ESYT3: variants seen among roughly 807,000 people sequenced by gnomAD.
ESYT3 encodes extended synaptotagmin-3.
In ESYT3, 101 loss-of-function variants were observed where a neutral mutation model predicts 111.5. The observed-to-expected ratio is 0.91, with a 90% CI of 0.77 to 1.07. The LOEUF (loss-of-function observed/expected upper bound fraction) is 1.07. Ranked by LOEUF, ESYT3 falls within the 50% of genes least tolerant of loss-of-function variation. The pLI is 0.00. For missense variants in ESYT3, 1,097 were observed against 1,109.4 expected, an observed-to-expected ratio of 0.99 and a Z score of 0.16; for synonymous variants, 416 against 446.8, an observed-to-expected ratio of 0.93 and a Z score of 0.87.
chr3:138,466,191 A>G (rs2032918657), intron 10 of ESYT3, among the ~76,000 whole-genome samples: 1 of 152,212 alleles, frequency 6.6e-6, no homozygotes. Context: ...GTATTTTTGC[A>G]TGTGTTCATG....
At position 138,457,555 on chromosome 3, in the gene ESYT3, G is replaced by A. The variant is rs1024858328; in HGVS notation, c.505-13G>A. 16 of 1,613,862 alleles carry A rather than the reference G, an allele frequency of 9.9e-6. No individual in the cohort carries two copies. Among genetic ancestry groups the A allele is most frequent in the Non-Finnish European group, 1.1e-5 (13 of 1,179,944 alleles). Reference sequence around the variant, plus strand: ...AGAAGCCTCTGACCTAGCCCTTTTGGCATTTCTTCCAGTGTCCCAGGGTCA... The same window carrying A: ...AGAAGCCTCTGACCTAGCCCTTTTGACATTTCTTCCAGTGTCCCAGGGTCA... On this transcript the variant is annotated splice_polypyrimidine_tract_variant and intron_variant, in intron 3 of 22. Coordinates refer to ENST00000389567, the MANE Select transcript of ESYT3 (RefSeq NM_031913.5).
chr3:138,450,935 G>A (rs1303808366), intron 1 of ESYT3, among the ~76,000 whole-genome samples: 2 of 152,060 alleles, frequency 1.3e-5, no homozygotes, highest in Non-Finnish European at 2.9e-5. Flanking sequence ...CCAGCCTCAT[G>A]TTCAGGGGAC....
At position 138,473,640 on chromosome 3, in the gene ESYT3, G is replaced by A. The variant is rs1576469619; in HGVS notation, c.2336+6G>A. The stretch of plus-strand genomic sequence containing the variant: ...GTGCTAATCAATGGCTGCAGGTAAA[G>A]GGATTCTAGGGCCAGGGAGGTCCTT... On this transcript the variant is annotated splice_donor_region_variant and intron_variant, in intron 19 of 22. Transcript: ENST00000389567. 1 of 1,612,176 alleles carries A rather than the reference G, an allele frequency of 6.2e-7. No individual in the cohort carries two copies. The highest frequency in any genetic ancestry group is 8.5e-7 in the Non-Finnish European group (1 of 1,178,606).
At chr3:138,448,050 G>A (rs1238505574) in intron 1 of ESYT3, among the ~76,000 whole-genome samples, 3 of 151,852 alleles carry the variant, frequency 2.0e-5, no homozygotes, top group Non-Finnish European at 4.4e-5. Context: ...GGTGGATCAG[G>A]AGTTCAGGAG....
intron 1 of ESYT3, among the ~76,000 whole-genome samples, chr3:138,443,736 C>CTGTGTGTGTGTGTGTGTGTGTGTGTGTG (rs11268903): frequency 6.8e-6 from 1 of 147,866 alleles, no homozygotes; most frequent in African/African-American, 2.5e-5. Flanking sequence ...GTTTGTGCAT[C>CTGTGTGTGTGTGTGTGTGTGTGTGTGTG]TGTGTGTGTG....
At chr3:138,446,566 CAAAG>C (rs2031555045) in intron 1 of ESYT3, among the ~76,000 whole-genome samples, 1 of 152,082 alleles carries the variant, frequency 6.6e-6, no homozygotes, top group African/African-American at 2.4e-5. Flanking sequence ...AACTCAAAGA[CAAAG>C]AAGGTTGTTA....
chr3:138,440,549 A>G lies in ESYT3; in HGVS notation c.327+5424A>G, dbSNP rs987084699. 2.0e-5 allele frequency among the ~76,000 whole-genome samples: 3 copies of G among 152,212 alleles called. No individual in the cohort carries two copies. The highest frequency in any genetic ancestry group is 6.5e-5 in the Admixed American group (1 of 15,292). On this transcript the variant is annotated intron_variant, in intron 1 of 22. Transcript: ENST00000389567. The surrounding 1 kb of genome is among the most constrained non-coding windows in gnomAD (Gnocchi z 4.2). ...AGGGCCGTGGAACCTGATTTTAAAC[A>G]TCAGGACTGGTTGGGTGCTGCTTGG...
At chr3:138,475,893 T>C (rs912216799) in intron 20 of ESYT3, among the ~76,000 whole-genome samples, 20 of 152,152 alleles carry the variant, frequency 1.3e-4, no homozygotes, top group Non-Finnish European at 2.1e-4. Context: ...GCCATTGCAC[T>C]CCAGCCTGGG....
chr3:138,465,380 C>T lies in ESYT3; in HGVS notation c.1128C>T (p.Asp376=). The T allele has an allele frequency of 6.3e-7, 1 of 1,597,598 alleles. No homozygotes were observed. The highest frequency in any genetic ancestry group is 1.1e-5 in the South Asian group (1 of 87,356). The stretch of plus-strand genomic sequence containing the variant: ...TCCCTGGACAGGACCTGGAGGTAGA[C>T]CTGTATGATGAGGATACCGACAGGG... The part of the protein sequence containing the change: ...YEVPGQDLEV[D]LYDEDTDRDD... The change falls in exon 10 of 23, where the codon GAC becomes GAT. Residue 376 remains aspartate (D), a synonymous_variant. Coordinates refer to ENST00000389567, the MANE Select transcript of ESYT3 (RefSeq NM_031913.5).
intron 1 of ESYT3, among the ~76,000 whole-genome samples, chr3:138,436,116 A>G (rs1300239669): frequency 1.3e-5 from 2 of 152,176 alleles, no homozygotes; most frequent in Non-Finnish European, 2.9e-5. Flanking sequence ...AAAAAAATAT[A>G]AGGCCCATTT....
chr3:138,439,130 C>T (rs906362896), intron 1 of ESYT3, among the ~76,000 whole-genome samples: 4 of 152,296 alleles, frequency 2.6e-5, no homozygotes, highest in East Asian at 1.9e-4. Flanking sequence ...CACACATGGT[C>T]GTGGTGAGTC....
chr3:138,458,822 G>T (rs1370078891), intron 4 of ESYT3, among the ~76,000 whole-genome samples: 2 of 152,222 alleles, frequency 1.3e-5, no homozygotes, highest in South Asian at 2.1e-4. Context: ...GACAGCAGGG[G>T]TGGAAAAGTG....
intron 8 of ESYT3, among the ~76,000 whole-genome samples, chr3:138,463,093 T>C (rs2032737011): frequency 6.6e-6 from 1 of 151,838 alleles, no homozygotes; most frequent in Non-Finnish European, 1.5e-5. Flanking sequence ...TTTTGGGCGG[T>C]GGGTGTGAAG....
intron 12 of ESYT3, 105 bp downstream of exon 12, chr3:138,468,299 C>A: frequency 1.9e-6 from 2 of 1,052,628 alleles, no homozygotes; most frequent in South Asian, 1.4e-5. Flanking sequence ...CCTTCTTGCT[C>A]ACCTCCTGAA....
In ESYT3 at chr3:138,457,618, A is replaced by T. The variant is rs776984723; in HGVS notation, c.555A>T (p.Arg185Ser). Residue 185 changes from arginine (R) to serine (S), a missense_variant, in exon 4 of 23, where the codon AGA (arginine) becomes AGT (serine). Physicochemically the swap from Arg to Ser is moderately radical, Grantham distance 110 (BLOSUM62 -1). Coordinates refer to ENST00000389567, the MANE Select transcript of ESYT3 (RefSeq NM_031913.5). ...VKAHTNTCNR[R>S]RVTVDLQICY... ...CACACACTAATACGTGCAACCGAAG[A>T]CGTGTGACTGTGGACCTGCAGATCT... is the stretch of plus-strand genomic sequence containing the variant. 12 of 1,614,050 alleles carry T rather than the reference A, an allele frequency of 7.4e-6. No homozygotes were observed. The highest frequency in any genetic ancestry group is 1.7e-5 in the Admixed American group (1 of 60,012).
At chr3:138,455,925 G>A (rs1345200833) in intron 3 of ESYT3, among the ~76,000 whole-genome samples, 2 of 152,154 alleles carry the variant, frequency 1.3e-5, no homozygotes, top group Non-Finnish European at 2.9e-5. Flanking sequence ...CTCCTGCCTC[G>A]AAGTGCCCCT....
intron 1 of ESYT3, among the ~76,000 whole-genome samples, chr3:138,446,582 A>G (rs747522995): frequency 6.6e-6 from 1 of 152,218 alleles, no homozygotes; most frequent in Non-Finnish European, 1.5e-5. Context: ...AGGTTGTTAT[A>G]TGCTTGTAAA....
intron 2 of ESYT3, among the ~76,000 whole-genome samples, chr3:138,452,752 C>A (rs1454539069): frequency 6.6e-6 from 1 of 152,180 alleles, no homozygotes; most frequent in Non-Finnish European, 1.5e-5. Context: ...ACGGCAGTCC[C>A]CAGCTCAAAT....
chr3:138,475,128 G>A (rs535043853), intron 20 of ESYT3, among the ~76,000 whole-genome samples: 1 of 152,270 alleles, frequency 6.6e-6, no homozygotes, highest in African/African-American at 2.4e-5. Context: ...AAGGGTATGA[G>A]GAAGAGAGAC....
Sources: gnomAD v4.1 joint callset for allele counts (sites outside exome capture counted in the v4.1 genomes callset) on GRCh38, gnomAD v4.1.1 for gene constraint, Gnocchi (gnomAD v3.1) non-coding constraint, MANE v1.5 for transcripts, NCBI Gene and HGNC (gene_info 2026-07-23, HGNC 2026-07-21) for gene names.